The following TBC1D9B variants were observed in gnomAD, a reference collection of about 807,000 sequenced individuals.
TBC1D9B encodes TBC1 domain family, member 9B (with GRAM domain).
Under a neutral mutation model 121.1 loss-of-function variants are expected in TBC1D9B, and 87 were observed. The ratio of observed to expected loss-of-function variants is 0.72; its 90% confidence interval spans 0.60 to 0.86. The LOEUF is 0.86. TBC1D9B is among the 40% of genes least tolerant of loss of function. TBC1D9B has a pLI of 0.00. For missense variants in TBC1D9B, 1,540 were observed against 1,628.6 expected, an observed-to-expected ratio of 0.95 and a Z score of 0.94; for synonymous variants, 668 against 670.1, an observed-to-expected ratio of 1.00 and a Z score of 0.05.
At chr5:179,892,227 G>A (rs921583282) in intron 5 of TBC1D9B, among the ~76,000 whole-genome samples, 11 of 152,210 alleles carry the variant, frequency 7.2e-5, no homozygotes, top group Non-Finnish European at 1.2e-4. Flanking sequence ...CATTCTCACC[G>A]GCAGTGCCAG....
intron 13 of TBC1D9B, 46 bp downstream of exon 13, chr5:179,873,073 T>G: frequency 6.2e-7 from 1 of 1,612,586 alleles, no homozygotes. Flanking sequence ...CCAACCCACA[T>G]GCCAGATGGA....
At chr5:179,873,278 C>T (rs1315506822) in intron 12 of TBC1D9B, 30 bp from the exon 13 acceptor site, 2 of 1,551,514 alleles carry the variant, frequency 1.3e-6, no homozygotes, top group East Asian at 2.3e-5. Flanking sequence ...ACAGTCCAGA[C>T]CACGCCCAGG....
chr5:179,906,994 C>T (rs1416976335), intron 1 of TBC1D9B, among the ~76,000 whole-genome samples: 1 of 152,172 alleles, frequency 6.6e-6, no homozygotes, highest in East Asian at 1.9e-4. Context: ...CTGTGGGCCT[C>T]CCCTGGATCC....
chr5:179,863,891 C>T lies in TBC1D9B; in HGVS notation c.3259G>A (p.Ala1087Thr), dbSNP rs1348917384. Residue 1087 changes from alanine to threonine, a missense_variant, in exon 21 of 21, where the codon GCA becomes ACA. Transcript: ENST00000355235. This position sits in a 1 kb window ranked among gnomAD's most constrained non-coding sequence, Gnocchi z 4.5. ...CCTGCTTTGGCTTGGGGGTCTCCTGCAGCTGGGGGCTGAAGCTCCCTGGCT... is the reference window on the plus strand; with the variant it reads ...CCTGCTTTGGCTTGGGGGTCTCCTGTAGCTGGGGGCTGAAGCTCCCTGGCT... ...DAARELQPPAAGDPQAKAGGD... is the reference protein window; with the variant it reads ...DAARELQPPATGDPQAKAGGD... 6.2e-7 allele frequency: 1 copy of T among 1,613,126 alleles called. No individual in the cohort carries two copies. The highest frequency in any genetic ancestry group is 1.3e-5 in the African/African-American group (1 of 75,044).
rs565363451 is a variant in TBC1D9B at position 179,874,727 on chromosome 5, C to T, written c.2186+175G>A. Among the ~76,000 whole-genome samples the T allele has an allele frequency of 6.6e-5, 10 of 152,352 alleles. No homozygotes were observed. In the Middle Eastern group the frequency reaches 0.014, roughly 207 times the overall value. On this transcript the variant is annotated intron_variant, in intron 12 of 20. Transcript: ENST00000355235. The surrounding 1 kb of genome is among the most constrained non-coding windows in gnomAD (Gnocchi z 4.3). ...ACTCCTCCTGGCACCTATCACTGAG[C>T]GCTGCTTCATCTCCCACTAGAAAGG...
chr5:179,896,968 A>G (rs764661888), intron 3 of TBC1D9B, among the ~76,000 whole-genome samples: 57 of 149,776 alleles, frequency 3.8e-4, no homozygotes, highest in Non-Finnish European at 7.7e-4. Flanking sequence ...GGGCAGTGGC[A>G]TGATCTCGGC....
At chr5:179,864,225 T>C in intron 20 of TBC1D9B, 97 bp from the exon 21 acceptor site, 1 of 1,254,018 alleles carries the variant, frequency 8.0e-7, no homozygotes, top group East Asian at 2.6e-5. Flanking sequence ...AGCCTAAGGA[T>C]GTTGGCTGCC....
Position 179,901,639 on chromosome 5 carries a change from G to A in TBC1D9B, c.230-2332C>T, listed in dbSNP as rs1434618283. On this transcript the variant is annotated intron_variant, in intron 2 of 20. Coordinates refer to ENST00000355235, the MANE Select transcript of TBC1D9B (RefSeq NM_015043.4). ...CAAAAAATAGAAAAAATGAGGCATG[G>A]TTGCGTGGGCCTGCAGTCCCAGCTA... Among the ~76,000 whole-genome samples the A allele has an allele frequency of 3.9e-5, 6 of 152,142 alleles. No homozygotes were observed. The East Asian group carries it at 1.2e-3, about 29-fold the overall frequency.
In TBC1D9B at chr5:179,867,081, A is replaced by G. The variant is rs187139416; in HGVS notation, c.2863+697T>C. ...GACGTGGAACATGAAGATTTTTCCT[A>G]GGAAAGCATCCACTATTCTTTCCAG... On this transcript the variant is annotated intron_variant, in intron 18 of 20. Coordinates refer to ENST00000355235, the MANE Select transcript of TBC1D9B (RefSeq NM_015043.4). 142 of 210,168 alleles carry G rather than the reference A, an allele frequency of 6.8e-4. 1 individual carries two copies. Among genetic ancestry groups the G allele is most frequent in the African/African-American group, 3.0e-3 (132 of 44,574 alleles). The allele number at this position is 210,168 out of a possible 1,614,324, so 13.0% of individuals were successfully genotyped here. A position where few individuals can be genotyped will look rare whatever the true frequency, so the allele number is the denominator to read the frequency against.
In TBC1D9B at chr5:179,902,387, AC is replaced by A. The variant is rs754497811; in HGVS notation, c.229+2314del. ...CAGGCAGACCCCCAGGTGTCCTCGA[AC>A]ACCAGGCTCAAGGGTCAGGACTCAC... On this transcript the variant is annotated intron_variant, in intron 2 of 20. Transcript: ENST00000355235. This position sits in a 1 kb window ranked among gnomAD's most constrained non-coding sequence, Gnocchi z 4.9. 2.0e-5 allele frequency among the ~76,000 whole-genome samples: 3 copies of A among 152,158 alleles called. No homozygotes were observed. Among genetic ancestry groups the A allele is most frequent in the Non-Finnish European group, 4.4e-5 (3 of 68,022 alleles).
In TBC1D9B at chr5:179,873,003, G is replaced by A; in HGVS notation, c.2317-13C>T. On this transcript the variant is annotated splice_polypyrimidine_tract_variant and intron_variant, in intron 13 of 20. Coordinates refer to ENST00000355235, the MANE Select transcript of TBC1D9B (RefSeq NM_015043.4). ...GGCTGCTGAATTTCTATAGGGAGAG[G>A]TGACTTGGTGAGATCAAGCCAACTG... The A allele has an allele frequency of 6.8e-6, 11 of 1,613,986 alleles. No individual in the cohort carries two copies. The highest frequency in any genetic ancestry group is 2.2e-5 in the East Asian group (1 of 44,878).
chr5:179,863,881 G>C lies in TBC1D9B; in HGVS notation c.3269C>G (p.Pro1090Arg). 6.2e-7 allele frequency: 1 copy of C among 1,613,118 alleles called. No homozygotes were observed. The highest frequency in any genetic ancestry group is 8.5e-7 in the Non-Finnish European group (1 of 1,179,488). ...RELQPPAAGD[P>R]QAKAGGDTHL... ...TGTGTCTCCGCCTGCTTTGGCTTGG[G>C]GGTCTCCTGCAGCTGGGGGCTGAAG... Residue 1090 changes from proline to arginine, a missense_variant, in exon 21 of 21, where the codon CCC (proline) becomes CGC (arginine). By Grantham distance (103) the Pro-to-Arg change is moderately radical. Transcript: ENST00000355235. This position sits in a 1 kb window ranked among gnomAD's most constrained non-coding sequence, Gnocchi z 4.5.
At chr5:179,899,593 A>G (rs1021706483) in intron 2 of TBC1D9B, among the ~76,000 whole-genome samples, 2 of 152,216 alleles carry the variant, frequency 1.3e-5, no homozygotes, top group African/African-American at 4.8e-5. Flanking sequence ...TAAGTCTCCT[A>G]TGTGTCCTAG....
chr5:179,889,805 T>C (rs561091482), intron 6 of TBC1D9B, among the ~76,000 whole-genome samples: 3 of 135,024 alleles, frequency 2.2e-5, no homozygotes, highest in African/African-American at 8.7e-5. Flanking sequence ...GTCCGGGAGA[T>C]GGAGGCTGTA....
At chr5:179,876,058 C>CG in intron 10 of TBC1D9B, 21 bp from the exon 11 acceptor site, 1 of 1,606,916 alleles carries the variant, frequency 6.2e-7, no homozygotes. Context: ...CAGAGACAGC[C>CG]GGGGAAGGCT....
chr5:179,869,560 C>T (rs1310132160), intron 17 of TBC1D9B: 2 of 693,390 alleles, frequency 2.9e-6, no homozygotes, highest in Admixed American at 4.1e-5. Context: ...ATGGGATTCT[C>T]CTCCACGTCC....
intron 13 of TBC1D9B, 58 bp from the exon 14 acceptor site, chr5:179,873,048 C>A (rs1760250153): frequency 6.2e-7 from 1 of 1,613,404 alleles, no homozygotes; most frequent in African/African-American, 1.3e-5. Context: ...GGGCCACCAC[C>A]TGCCCATAGC....
intron 12 of TBC1D9B, among the ~76,000 whole-genome samples, chr5:179,873,944 A>G (rs1175753978): frequency 6.6e-6 from 1 of 152,170 alleles, no homozygotes; most frequent in Non-Finnish European, 1.5e-5. Context: ...CCACAGGCTG[A>G]GTATCTTAAC....
chr5:179,897,061 C>T (rs993382246), intron 3 of TBC1D9B, among the ~76,000 whole-genome samples: 2 of 152,048 alleles, frequency 1.3e-5, no homozygotes, highest in East Asian at 3.9e-4. Context: ...CCCCCGCCAC[C>T]ATGCCCGGCT....
Sources: allele counts gnomAD v4.1 joint callset (sites outside exome capture counted in the v4.1 genomes callset), GRCh38; gene constraint gnomAD v4.1.1; non-coding constraint Gnocchi (gnomAD v3.1); transcripts MANE v1.5; gene names NCBI Gene and HGNC (gene_info 2026-07-23, HGNC 2026-07-21).